Variants in UBAP1L observed in about 807,000 individuals in gnomAD.
The protein encoded by UBAP1L is ubiquitin-associated protein 1-like.
UBAP1L carries 32 observed loss-of-function variants against 32.1 expected under a neutral mutation model. That is an observed-to-expected ratio of 1.00 (90% confidence interval 0.75 to 1.34). The LOEUF (loss-of-function observed/expected upper bound fraction) is 1.34, where lower values mean the gene tolerates loss of function less well. Ranked by LOEUF, UBAP1L falls within the 40% of genes most tolerant of loss-of-function variation. The probability of loss-of-function intolerance (pLI) is 0.00; values close to 1 mark genes in which losing one functional copy is unlikely to be tolerated. For synonymous variants in UBAP1L, 243 were observed against 250.2 expected (o/e 0.97, Z 0.27); for missense variants, 516 against 540.5 (o/e 0.95, Z 0.45).
rs1225449271 is a variant in UBAP1L at position 65,102,701 on chromosome 15, A to T, written c.121-17T>A. On this transcript the variant is annotated splice_polypyrimidine_tract_variant and intron_variant, in intron 2 of 5. Coordinates refer to ENST00000559089, the MANE Select transcript of UBAP1L (RefSeq NM_001163692.2). This position sits in a 1 kb window ranked among gnomAD's most constrained non-coding sequence, Gnocchi z 5.0. ...GAAGTCGTGCTGCGGAAAGAAGGCG[A>T]CGTAAAGCCCAGGGCAAACCAGGAC... The T allele has an allele frequency of 6.5e-7, 1 of 1,542,906 alleles. No homozygotes were observed.
At chr15:65,107,359 GAAAA>G (rs952697311) in intron 1 of UBAP1L, among the ~76,000 whole-genome samples, 3 of 143,662 alleles carry the variant, frequency 2.1e-5, no homozygotes, top group African/African-American at 7.7e-5. Flanking sequence ...AAAGAAAAAG[GAAAA>G]AAAAAAGGAA....
rs2087308730 is a variant in UBAP1L at position 65,106,168 on chromosome 15, C to T, written c.48G>A (p.Val16=). The change falls in exon 2 of 6, where the codon GTG becomes GTA. Residue 16 remains valine (V), a synonymous_variant. Transcript: ENST00000559089. ...GVPFKLPKGF[V]IGTEPLPGPE... is the part of the protein sequence containing the mutation. The stretch of plus-strand genomic sequence containing the variant: ...GCCCAGGGAGAGGCTCTGTGCCTAT[C>T]ACAAAGCCCTTGGGCAACTTGAAAG... The T allele has an allele frequency of 6.5e-7, 1 of 1,549,980 alleles. No homozygotes were observed. Among genetic ancestry groups the T allele is most frequent in the Admixed American group, 2.0e-5 (1 of 50,426 alleles).
Position 65,102,407 on chromosome 15 carries a change from G to C in UBAP1L, c.398C>G (p.Pro133Arg), listed in dbSNP as rs2087254562. The change falls in exon 3 of 6, where the codon CCG becomes CGG. Residue 133 changes from proline (P) to arginine (R), a missense_variant. Coordinates refer to ENST00000559089, the MANE Select transcript of UBAP1L (RefSeq NM_001163692.2). This position sits in a 1 kb window ranked among gnomAD's most constrained non-coding sequence, Gnocchi z 5.0. ...PAPSSLQPGS[P>R]ASPGPGRRLC... ...GCGACGGCCGGGGCCGGGGCTCGCC[G>C]GGGAGCCCGGTTGGAGGCTGCTGGG... The C allele has an allele frequency of 5.6e-6, 8 of 1,427,700 alleles. No individual in the cohort carries two copies. The highest frequency in any genetic ancestry group is 3.1e-5 in the Admixed American group (1 of 32,132). 88.4% of individuals were successfully genotyped at this position (1,427,700 alleles called of 1,614,324 possible).
chr15:65,102,155 G>A lies in UBAP1L; in HGVS notation c.650C>T (p.Ser217Phe). The A allele has an allele frequency of 8.3e-7, 1 of 1,208,006 alleles. No homozygotes were observed. The allele number at this position is 1,208,006 out of a possible 1,614,324, so 74.8% of individuals were successfully genotyped here. A position where few individuals can be genotyped will look rare whatever the true frequency, so the allele number is the denominator to read the frequency against. The change falls in exon 3 of 6, where the codon TCC becomes TTC. Residue 217 changes from serine (S) to phenylalanine (F), a missense_variant. Coordinates refer to ENST00000559089, the MANE Select transcript of UBAP1L (RefSeq NM_001163692.2). This position sits in a 1 kb window ranked among gnomAD's most constrained non-coding sequence, Gnocchi z 5.0. ...CAGCGGGGGGATGGCGCCTGCCGTG[G>A]AGGGCCGCGGGGGCGACGCGGGGGC... ...PAAPASPPRP[S>F]TAGAIPPLRS...
Position 65,102,700 on chromosome 15 carries a change from G to T in UBAP1L, c.121-16C>A. 6.5e-7 allele frequency: 1 copy of T among 1,543,018 alleles called. No homozygotes were observed. Among genetic ancestry groups the T allele is most frequent in the Non-Finnish European group, 8.7e-7 (1 of 1,146,192 alleles). Reference sequence around the variant, plus strand: ...TGAAGTCGTGCTGCGGAAAGAAGGCGACGTAAAGCCCAGGGCAAACCAGGA... The same window carrying T: ...TGAAGTCGTGCTGCGGAAAGAAGGCTACGTAAAGCCCAGGGCAAACCAGGA... On this transcript the variant is annotated splice_polypyrimidine_tract_variant and intron_variant, in intron 2 of 5. Transcript: ENST00000559089. The surrounding 1 kb of genome is among the most constrained non-coding windows in gnomAD (Gnocchi z 5.0).
chr15:65,095,788 G>C (rs961953133), intron 4 of UBAP1L: 1 of 152,246 alleles, frequency 6.6e-6, no homozygotes, highest in African/African-American at 2.4e-5. Context: ...TGAAGTGTTT[G>C]TCTTAGCACA....
At chr15:65,108,854 T>C (rs1003099346) in intron 1 of UBAP1L, among the ~76,000 whole-genome samples, 1 of 151,914 alleles carries the variant, frequency 6.6e-6, no homozygotes, top group African/African-American at 2.4e-5. Flanking sequence ...TAAACTGGAT[T>C]ACATTAAAGT....
chr15:65,110,133 G>A (rs1170426862), intron 1 of UBAP1L, among the ~76,000 whole-genome samples: 1 of 152,128 alleles, frequency 6.6e-6, no homozygotes, highest in East Asian at 1.9e-4. Flanking sequence ...GGCTGAGGCG[G>A]GCAGATCACA....
chr15:65,110,829 G>A (rs994960809), intron 1 of UBAP1L, among the ~76,000 whole-genome samples: 1 of 152,132 alleles, frequency 6.6e-6, no homozygotes, highest in African/African-American at 2.4e-5. Context: ...GGGATTATCA[G>A]GGAGTCTGCA....
Position 65,102,399 on chromosome 15 carries a change from G to T in UBAP1L, c.406C>A (p.Pro136Thr), listed in dbSNP as rs1263200003. 5 of 1,431,308 alleles carry T rather than the reference G, an allele frequency of 3.5e-6. No individual in the cohort carries two copies. Among genetic ancestry groups the T allele is most frequent in the Non-Finnish European group, 4.6e-6 (5 of 1,098,808 alleles). 88.7% of individuals were successfully genotyped at this position (1,431,308 alleles called of 1,614,324 possible). ...SSLQPGSPAS[P>T]GPGRRLCSLD... Reference sequence around the variant, plus strand: ...GAGCACAGGCGACGGCCGGGGCCGGGGCTCGCCGGGGAGCCCGGTTGGAGG... The same window carrying T: ...GAGCACAGGCGACGGCCGGGGCCGGTGCTCGCCGGGGAGCCCGGTTGGAGG... Residue 136 changes from proline (P) to threonine (T), a missense_variant, in exon 3 of 6, where the codon CCC (proline) becomes ACC (threonine). Coordinates refer to ENST00000559089, the MANE Select transcript of UBAP1L (RefSeq NM_001163692.2). The surrounding 1 kb of genome is among the most constrained non-coding windows in gnomAD (Gnocchi z 5.0).
chr15:65,093,120 C>T lies in UBAP1L; in HGVS notation c.1123G>A (p.Glu375Lys). 1 of 1,549,630 alleles carries T rather than the reference C, an allele frequency of 6.5e-7. No individual in the cohort carries two copies. Among genetic ancestry groups the T allele is most frequent in the Non-Finnish European group, 8.7e-7 (1 of 1,146,652 alleles). ...HGNRREQALEELVACAQ is the reference protein window; with the variant it reads ...HGNRREQALEKLVACAQ ...GGTCACTGGGCACAGGCCACCAGCT[C>T]CTCCAGGGCTTGCTCTCGGCGGTTG... The change falls in exon 6 of 6, where the codon GAG becomes AAG. Residue 375 changes from glutamate to lysine, a missense_variant. Coordinates refer to ENST00000559089, the MANE Select transcript of UBAP1L (RefSeq NM_001163692.2).
At chr15:65,095,244 C>T (rs2087159862) in intron 4 of UBAP1L, 1 of 152,598 alleles carries the variant, frequency 6.6e-6, no homozygotes, top group Admixed American at 6.5e-5. Context: ...CCCTCACCCT[C>T]CAGGTCTCTG....
intron 2 of UBAP1L, chr15:65,105,773 A>T: frequency 1.4e-6 from 1 of 698,414 alleles, no homozygotes; most frequent in Non-Finnish European, 2.7e-6. Flanking sequence ...GCTGGATAGA[A>T]GGTCGGTGGC....
rs113598604 is a variant in UBAP1L, at chr15:65,102,528, T to C, written c.277A>G (p.Thr93Ala). The C allele has an allele frequency of 1.5e-5, 22 of 1,497,256 alleles. 1 individual carries two copies. The African/African-American group carries it at 1.9e-4, about 13-fold the overall frequency. 92.7% of individuals were successfully genotyped at this position (1,497,256 alleles called of 1,614,324 possible). The change falls in exon 3 of 6, where the codon ACA becomes GCA. Residue 93 changes from threonine to alanine, a missense_variant. Transcript: ENST00000559089. This position sits in a 1 kb window ranked among gnomAD's most constrained non-coding sequence, Gnocchi z 5.0. ...TGTCCGGCCTCCGGGTCTCTGATTG[T>C]GGTGGGCGCAGGCGCCAGCCCATGT... ...PEHGLAPAPT[T>A]IRDPEAGHQE...
chr15:65,102,764 C>A lies in UBAP1L; in HGVS notation c.121-80G>T. On this transcript the variant is annotated intron_variant, in intron 2 of 5. Transcript: ENST00000559089. This position sits in a 1 kb window ranked among gnomAD's most constrained non-coding sequence, Gnocchi z 5.0. ...ACACTAACCCCTGGCCTGGGGGACC[C>A]TGTTCAGCCAGAGACTCTCTAAGCC... 1.5e-6 allele frequency: 2 copies of A among 1,325,734 alleles called. No homozygotes were observed. The highest frequency in any genetic ancestry group is 2.7e-5 in the South Asian group (2 of 73,118). The allele number at this position is 1,325,734 out of a possible 1,614,324, so 82.1% of individuals were successfully genotyped here.
At chr15:65,106,887 C>A (rs1055215501) in intron 1 of UBAP1L, among the ~76,000 whole-genome samples, 1 of 152,074 alleles carries the variant, frequency 6.6e-6, no homozygotes, top group East Asian at 1.9e-4. Flanking sequence ...GTGATCCGGC[C>A]ACCTCAGCCT....
chr15:65,104,233 G>A (rs1449463268), intron 2 of UBAP1L, among the ~76,000 whole-genome samples: 2 of 151,178 alleles, frequency 1.3e-5, no homozygotes, highest in South Asian at 2.1e-4. Flanking sequence ...CAGCCTGGGC[G>A]ACAAAGCGAG....
chr15:65,096,088 G>T (rs984993328), intron 4 of UBAP1L: 2 of 152,216 alleles, frequency 1.3e-5, no homozygotes, highest in African/African-American at 4.8e-5. Context: ...TAGAGGACGG[G>T]CTTTTAGCTG....
intron 2 of UBAP1L, chr15:65,104,892 A>G: frequency 2.5e-6 from 1 of 398,000 alleles, no homozygotes; most frequent in Non-Finnish European, 5.0e-6. Flanking sequence ...CTGTAATCCC[A>G]GCTACTCGGG....
Sources: gnomAD v4.1 joint callset for allele counts (sites outside exome capture counted in the v4.1 genomes callset) on GRCh38, gnomAD v4.1.1 for gene constraint, Gnocchi (gnomAD v3.1) non-coding constraint, MANE v1.5 for transcripts, NCBI Gene and HGNC (gene_info 2026-07-23, HGNC 2026-07-21) for gene names.